NR0B1: variants seen among roughly 807,000 people sequenced by gnomAD.
The protein encoded by NR0B1 is nuclear receptor subfamily 0 group B member 1, also known as DSS-AHC critical region on the X chromosome protein 1.
Under a neutral mutation model 23.0 loss-of-function variants are expected in NR0B1, and 3 were observed. The observed-to-expected ratio is 0.13, with a 90% CI of 0.06 to 0.34. The LOEUF is 0.34. Ranked by LOEUF, NR0B1 falls within the 10% of genes least tolerant of loss-of-function variation. The pLI, the probability that NR0B1 is intolerant of heterozygous loss-of-function variation, is 1.00. For missense variants in NR0B1, 350 were observed against 402.9 expected (o/e 0.87, Z 1.12); for synonymous variants, 205 against 184.0 (o/e 1.11, Z -0.92).
intron 1 of NR0B1, among the ~76,000 whole-genome samples, chrX:30,307,300 G>A (rs1926538860): frequency 8.9e-6 from 1 of 111,922 alleles, no homozygotes; most frequent in Middle Eastern, 4.6e-3. Context: ...TGATTTGGTT[G>A]CACTCTGTGG....
At chrX:30,305,291 G>A (rs1459995504) in intron 1 of NR0B1, among the ~76,000 whole-genome samples, 1 of 112,277 alleles carries the variant, frequency 8.9e-6, no homozygotes, top group Non-Finnish European at 1.9e-5. Context: ...TTCAGCCAAT[G>A]GTGGTAAACT....
Position 30,309,094 on chromosome X carries a change from C to CG in NR0B1, c.269dup (p.Tyr91ValfsTer22), listed in dbSNP as rs1441124608. ...CCTCGGGCGCCTTCGGTGCCGCGTACGTTTGCTTTGCGCTCGTCAGCATGC... is the reference window on the plus strand; with the variant it reads ...CCTCGGGCGCCTTCGGTGCCGCGTACGGTTTGCTTTGCGCTCGTCAGCATGC... On this transcript the variant is annotated frameshift_variant, in exon 1 of 2. Coordinates refer to ENST00000378970, the MANE Select transcript of NR0B1 (RefSeq NM_000475.5). LOFTEE classifies it high-confidence loss of function. 1 of 1,204,451 alleles carries CG rather than the reference C, an allele frequency of 8.3e-7. No individual in the cohort carries two copies.
intron 1 of NR0B1, 51 bp downstream of exon 1, chrX:30,308,145 C>A (rs372326021): frequency 9.5e-7 from 1 of 1,054,009 alleles, no homozygotes; most frequent in Non-Finnish European, 1.3e-6. Flanking sequence ...AGGCACTGCC[C>A]GATGCTTTTG....
intron 1 of NR0B1, chrX:30,305,658 A>C: frequency 2.9e-6 from 1 of 345,460 alleles, no homozygotes; most frequent in Non-Finnish European, 5.0e-6. Context: ...AAGTGAAAGA[A>C]ATAAATGCAG....
At chrX:30,307,573 C>T in intron 1 of NR0B1, among the ~76,000 whole-genome samples, 1 of 111,478 alleles carries the variant, frequency 9.0e-6, no homozygotes. Context: ...TTCCCTATCC[C>T]TTTGCCAACC....
chrX:30,306,979 T>A (rs992906847), intron 1 of NR0B1, among the ~76,000 whole-genome samples: 1 of 111,090 alleles, frequency 9.0e-6, no homozygotes, highest in African/African-American at 3.3e-5. Context: ...AAAGGTAACA[T>A]ATAATAGACA....
At position 30,304,406 on chromosome X, in the gene NR0B1, G is replaced by T; in HGVS notation, c.*173C>A. Reference sequence around the variant, plus strand: ...ATGTCTTCTTTAACTATGGAACAGAGAAATTTGTGACTGTCTGGAATAAAA... The same window carrying T: ...ATGTCTTCTTTAACTATGGAACAGATAAATTTGTGACTGTCTGGAATAAAA... On this transcript the variant is annotated 3_prime_UTR_variant, in exon 2 of 2. Transcript: ENST00000378970. 1.9e-6 allele frequency: 1 copy of T among 534,625 alleles called. No individual in the cohort carries two copies. Among genetic ancestry groups the T allele is most frequent in the South Asian group, 3.2e-5 (1 of 31,447 alleles). The allele number at this position is 534,625 out of a possible 1,213,427, so 44.1% of individuals were successfully genotyped here.
intron 1 of NR0B1, among the ~76,000 whole-genome samples, chrX:30,306,437 C>T (rs1926518464): frequency 9.0e-6 from 1 of 111,542 alleles, no homozygotes; most frequent in African/African-American, 3.3e-5. Context: ...AAAGGATAAA[C>T]AGCAAAGAGA....
At chrX:30,305,568 C>A (rs909988813) in intron 1 of NR0B1, 1 of 226,199 alleles carries the variant, frequency 4.4e-6, no homozygotes, top group African/African-American at 2.9e-5. Context: ...GAAAACATCA[C>A]GAATTGTACC....
At position 30,308,330 on chromosome X, in the gene NR0B1, G is replaced by A. The variant is rs751208173; in HGVS notation, c.1034C>T (p.Pro345Leu). 2 of 1,211,319 alleles carry A rather than the reference G, an allele frequency of 1.7e-6. No homozygotes were observed. Among genetic ancestry groups the A allele is most frequent in the South Asian group, 3.5e-5 (2 of 56,980 alleles). Residue 345 changes from proline (P) to leucine (L), a missense_variant, in exon 1 of 2, where the codon CCG becomes CTG. Pro to Leu is a moderately conservative substitution (Grantham distance 98). Around this residue, in one of 2 missense-constraint regions of NR0B1, gnomAD observed 298 missense variants for 314.0 expected, o/e 0.95. Transcript: ENST00000378970. ...PVPTLQHHLAPPAEARKVPSA... is the reference protein window; with the variant it reads ...PVPTLQHHLALPAEARKVPSA... ...GGGCACCTTCCTGGCCTCCGCCGGC[G>A]GTGCCAAATGGTGCTGCAGCGTGGG...
At position 30,308,473 on chromosome X, in the gene NR0B1, A is replaced by G. The variant is rs756093741; in HGVS notation, c.891T>C (p.Leu297=). The part of the protein sequence containing the change: ...VRNCWASLLM[L]ELAQDRLQFE... Reference sequence around the variant, plus strand: ...ACTGCAAGCGGTCCTGGGCCAGCTCAAGCATGAGCAGGGACGCCCAGCAGT... The same window carrying G: ...ACTGCAAGCGGTCCTGGGCCAGCTCGAGCATGAGCAGGGACGCCCAGCAGT... The change falls in exon 1 of 2, where the codon CTT becomes CTC. Residue 297 remains leucine (L), a synonymous_variant. Coordinates refer to ENST00000378970, the MANE Select transcript of NR0B1 (RefSeq NM_000475.5). 9.2e-6 allele frequency: 11 copies of G among 1,201,445 alleles called. No individual in the cohort carries two copies. Among genetic ancestry groups the G allele is most frequent in the Non-Finnish European group, 1.1e-5 (10 of 890,389 alleles).
Position 30,308,609 on chromosome X carries a change from T to C in NR0B1, c.755A>G (p.Gln252Arg). The C allele has an allele frequency of 1.7e-6, 2 of 1,207,798 alleles. No individual in the cohort carries two copies. Among genetic ancestry groups the C allele is most frequent in the Non-Finnish European group, 2.2e-6 (2 of 894,192 alleles). The change falls in exon 1 of 2, where the codon CAG becomes CGG. Residue 252 changes from glutamine to arginine, a missense_variant. Physicochemically the swap from Gln to Arg is conservative, Grantham distance 43 (BLOSUM62 1). Transcript: ENST00000378970. Reference sequence around the variant, plus strand: ...CGCTGAGGCTGCCTCGCAGACCACCTGTGGACTCTTGAGCGCCACCGGCCG... The same window carrying C: ...CGCTGAGGCTGCCTCGCAGACCACCCGTGGACTCTTGAGCGCCACCGGCCG... ...ALRPVALKSP[Q>R]VVCEAASAGL...
In NR0B1 at chrX:30,309,380, A is replaced by T. The variant is rs767997713; in HGVS notation, c.-17T>A. ...GCCCGCCATGGCCCGCGGCGCCCGT[A>T]GCCCAGTTCTGCCCAGTGGCTGCCT... On this transcript the variant is annotated 5_prime_UTR_variant, in exon 1 of 2. Coordinates refer to ENST00000378970, the MANE Select transcript of NR0B1 (RefSeq NM_000475.5). The T allele has an allele frequency of 2.5e-6, 3 of 1,189,942 alleles. No homozygotes were observed. The highest frequency in any genetic ancestry group is 3.5e-5 in the African/African-American group (2 of 57,870).
At chrX:30,305,289 AT>A (rs1926499234) in intron 1 of NR0B1, among the ~76,000 whole-genome samples, 1 of 112,371 alleles carries the variant, frequency 8.9e-6, no homozygotes, top group African/African-American at 3.2e-5. Flanking sequence ...CGTTCAGCCA[AT>A]GGTGGTAAAC....
At chrX:30,305,654 A>G in intron 1 of NR0B1, 1 of 342,107 alleles carries the variant, frequency 2.9e-6, no homozygotes, top group Non-Finnish European at 5.1e-6. Flanking sequence ...GTAAAAGTGA[A>G]AGAAATAAAT....
At position 30,308,636 on chromosome X, in the gene NR0B1, A is replaced by C; in HGVS notation, c.728T>G (p.Leu243Arg). 1 of 1,206,057 alleles carries C rather than the reference A, an allele frequency of 8.3e-7. No individual in the cohort carries two copies. Among genetic ancestry groups the C allele is most frequent in the Non-Finnish European group, 1.1e-6 (1 of 893,261 alleles). The change falls in exon 1 of 2, where the codon CTG becomes CGG. Residue 243 changes from leucine to arginine, a missense_variant. Transcript: ENST00000378970. ...APWWDTSSGA[L>R]RPVALKSPQV... ...TGGACTCTTGAGCGCCACCGGCCGC[A>C]GCGCACCAGAGGAGGTGTCCCACCA...
In NR0B1 at chrX:30,304,682, C is replaced by G. The variant is rs745325424; in HGVS notation, c.1310G>C (p.Arg437Thr). The G allele has an allele frequency of 8.3e-7, 1 of 1,208,899 alleles. No individual in the cohort carries two copies. The highest frequency in any genetic ancestry group is 1.1e-6 in the Non-Finnish European group (1 of 894,783). The change falls in exon 2 of 2, where the codon AGA becomes ACA. Residue 437 changes from arginine to threonine, a missense_variant. Transcript: ENST00000378970. ...IELNSTLFLL[R>T]FINANVIAEL... ...AGCAATGACATTGGCATTGATGAAT[C>G]TCAGCAGGAAAAGGGTACTATTAAG... is the stretch of plus-strand genomic sequence containing the variant.
In NR0B1 at chrX:30,304,252, T is replaced by A. The variant is rs1275965855; in HGVS notation, c.*327A>T. 3 of 183,740 alleles carry A rather than the reference T, an allele frequency of 1.6e-5. No homozygotes were observed. Among genetic ancestry groups the A allele is most frequent in the Admixed American group, 1.4e-4 (2 of 13,962 alleles). 15.1% of individuals were successfully genotyped at this position (183,740 alleles called of 1,213,427 possible). ...ATAGTTAAGACCTTAAAATTTATTATAACAATATGTACAAATTTGATTTGA... is the reference window on the plus strand; with the variant it reads ...ATAGTTAAGACCTTAAAATTTATTAAAACAATATGTACAAATTTGATTTGA... On this transcript the variant is annotated 3_prime_UTR_variant, in exon 2 of 2. Coordinates refer to ENST00000378970, the MANE Select transcript of NR0B1 (RefSeq NM_000475.5).
intron 1 of NR0B1, among the ~76,000 whole-genome samples, chrX:30,306,258 C>G (rs1028947239): frequency 9.0e-6 from 1 of 111,240 alleles, no homozygotes; most frequent in African/African-American, 3.3e-5. Flanking sequence ...TCACAATATA[C>G]CCCTCCACCT....
Sources: gnomAD v4.1 joint callset for allele counts (sites outside exome capture counted in the v4.1 genomes callset) on GRCh38, gnomAD v4.1.1 for gene constraint, gnomAD v4.1.1 regional missense constraint, MANE v1.5 for transcripts, NCBI Gene and HGNC (gene_info 2026-07-23, HGNC 2026-07-21) for gene names.